The following IGF1R variants were observed in gnomAD, a reference collection of about 807,000 sequenced individuals.
IGF1R encodes insulin-like growth factor 1 receptor.
A neutral mutation model predicts 144.6 loss-of-function variants in IGF1R; 44 were observed. The observed-to-expected ratio is 0.30, with a 90% CI of 0.24 to 0.39. IGF1R has a LOEUF of 0.39. Among genes scored for constraint, IGF1R ranks in the 10% least tolerant of loss-of-function variants. The pLI is 1.00. For synonymous variants in IGF1R, 795 were observed against 722.8 expected (o/e 1.10, Z -1.60); for missense variants, 1,355 against 1,833.7 (o/e 0.74, Z 4.77).
intron 2 of IGF1R, among the ~76,000 whole-genome samples, chr15:98,871,642 A>G (rs750154763): frequency 2.6e-5 from 4 of 152,252 alleles, no homozygotes; most frequent in South Asian, 2.1e-4. Flanking sequence ...GGAAAGTGAA[A>G]GGTACATCTC....
At chr15:98,705,612 T>C (rs957167277) in intron 1 of IGF1R, among the ~76,000 whole-genome samples, 2 of 152,210 alleles carry the variant, frequency 1.3e-5, no homozygotes, top group African/African-American at 2.4e-5. Flanking sequence ...TTCTCAAGCT[T>C]TGCCCACTCC....
chr15:98,866,794 A>T (rs1182137698), intron 2 of IGF1R, among the ~76,000 whole-genome samples: 1 of 152,200 alleles, frequency 6.6e-6, no homozygotes, highest in Non-Finnish European at 1.5e-5. Flanking sequence ...GTTTGCTCCC[A>T]TCATGTTGTT....
rs2151670407 is a variant in IGF1R at position 98,908,891 on chromosome 15, G to A, written c.1454G>A (p.Arg485Lys). The change falls in exon 6 of 21, where the codon AGA (arginine) becomes AAA (lysine). Residue 485 changes from arginine (R) to lysine (K), a missense_variant. This residue lies in a region of IGF1R where 880 missense variants were observed against 1,202.7 expected (regional missense o/e 0.73). Coordinates refer to ENST00000650285, the MANE Select transcript of IGF1R (RefSeq NM_000875.5). Reference sequence around the variant, plus strand: ...ATAAACACCAGGAACAACGGGGAGAGAGCCTCCTGTGAGTGACAGCATCCA... The same window carrying A: ...ATAAACACCAGGAACAACGGGGAGAAAGCCTCCTGTGAGTGACAGCATCCA... The part of the protein sequence containing the change: ...GDINTRNNGE[R>K]ASCESDVLHF... 6.2e-7 allele frequency: 1 copy of A among 1,613,540 alleles called. No individual in the cohort carries two copies. Among genetic ancestry groups the A allele is most frequent in the Non-Finnish European group, 8.5e-7 (1 of 1,179,666 alleles).
At chr15:98,806,939 T>A (rs2056484892) in intron 2 of IGF1R, among the ~76,000 whole-genome samples, 1 of 152,020 alleles carries the variant, frequency 6.6e-6, no homozygotes, top group Admixed American at 6.6e-5. Flanking sequence ...GGTGGATAGA[T>A]CACTTGAGGT....
intron 2 of IGF1R, among the ~76,000 whole-genome samples, chr15:98,879,669 G>C (rs1252250302): frequency 6.6e-6 from 1 of 152,078 alleles, no homozygotes; most frequent in Non-Finnish European, 1.5e-5. Context: ...GTCCAGATGG[G>C]CCTCTCTCCA....
intron 3 of IGF1R, among the ~76,000 whole-genome samples, chr15:98,896,049 G>A (rs1199926246): frequency 4.6e-5 from 7 of 152,034 alleles, no homozygotes; most frequent in Non-Finnish European, 7.4e-5. Flanking sequence ...TTGGTGGTTC[G>A]TGGCATGTTC....
At chr15:98,823,634 C>G (rs1308031002) in intron 2 of IGF1R, among the ~76,000 whole-genome samples, 1 of 152,220 alleles carries the variant, frequency 6.6e-6, no homozygotes, top group Non-Finnish European at 1.5e-5. Flanking sequence ...AAGTTGTGAG[C>G]TGCACAGGGC....
intron 2 of IGF1R, among the ~76,000 whole-genome samples, chr15:98,767,845 G>C (rs759080694): frequency 4.6e-5 from 7 of 152,142 alleles, no homozygotes; most frequent in Non-Finnish European, 8.8e-5. Flanking sequence ...GGAACACTGT[G>C]TCTCCATCTC....
chr15:98,685,861 G>C (rs1394927598), intron 1 of IGF1R, among the ~76,000 whole-genome samples: 1 of 152,172 alleles, frequency 6.6e-6, no homozygotes, highest in Non-Finnish European at 1.5e-5. Context: ...AAACCATTTT[G>C]AACTTTAAAG....
intron 2 of IGF1R, among the ~76,000 whole-genome samples, chr15:98,714,649 GAAAA>G (rs202232475): frequency 7.5e-5 from 10 of 133,194 alleles, no homozygotes; most frequent in Non-Finnish European, 1.5e-4. Context: ...TCCTGTCTGA[GAAAA>G]AAAAAAAAAG....
In IGF1R at chr15:98,958,985, A is replaced by G. The variant is rs192125453; in HGVS notation, c.*1543A>G. ...GCTCTCTGGGCACGAGGCAGAAAGC[A>G]GGCCGGGCACCCATCCTGAGAGGGC... On this transcript the variant is annotated 3_prime_UTR_variant, in exon 21 of 21. Coordinates refer to ENST00000650285, the MANE Select transcript of IGF1R (RefSeq NM_000875.5). 3.8e-3 allele frequency: 890 copies of G among 233,338 alleles called. 3 individuals carry two copies. The highest frequency in any genetic ancestry group is 0.015 in the African/African-American group (700 of 45,452). 14.5% of individuals were successfully genotyped at this position (233,338 alleles called of 1,614,324 possible).
At position 98,708,123 on chromosome 15, in the gene IGF1R, A is replaced by G; in HGVS notation, c.640+16A>G. 2 of 1,604,326 alleles carry G rather than the reference A, an allele frequency of 1.2e-6. No individual in the cohort carries two copies. Among genetic ancestry groups the G allele is most frequent in the African/African-American group, 2.7e-5 (2 of 74,878 alleles). The stretch of plus-strand genomic sequence containing the variant: ...TGCCAGAAAAGTAAGAATGATGCTG[A>G]CTGCTGCTTTCTCTCTGCCTCTCTC... On this transcript the variant is annotated intron_variant, in intron 2 of 20. Coordinates refer to ENST00000650285, the MANE Select transcript of IGF1R (RefSeq NM_000875.5).
chr15:98,851,502 C>T (rs1196408444), intron 2 of IGF1R, among the ~76,000 whole-genome samples: 22 of 152,226 alleles, frequency 1.4e-4, no homozygotes, highest in Admixed American at 2.6e-4. Context: ...CTTCTCCTAC[C>T]TTCCCAGTCC....
intron 2 of IGF1R, among the ~76,000 whole-genome samples, chr15:98,768,057 C>A (rs536319989): frequency 7.4e-4 from 112 of 152,240 alleles, no homozygotes; most frequent in African/African-American, 2.6e-3. Context: ...GGAAGACAGA[C>A]AGACTTTGCA....
At chr15:98,683,898 C>G (rs1285750067) in intron 1 of IGF1R, among the ~76,000 whole-genome samples, 1 of 152,160 alleles carries the variant, frequency 6.6e-6, no homozygotes, top group Non-Finnish European at 1.5e-5. Context: ...TGCTTGTTCA[C>G]AGTATTTGAG....
At chr15:98,915,674 A>G (rs539417814) in intron 8 of IGF1R, among the ~76,000 whole-genome samples, 38 of 152,304 alleles carry the variant, frequency 2.5e-4, no homozygotes, top group African/African-American at 8.7e-4. Context: ...AGATTTTCAC[A>G]TTGTCTCTTC....
At chr15:98,705,343 G>C (rs749856436) in intron 1 of IGF1R, among the ~76,000 whole-genome samples, 3 of 152,298 alleles carry the variant, frequency 2.0e-5, no homozygotes, top group Non-Finnish European at 4.4e-5. Flanking sequence ...GTCGGAGTGG[G>C]TTAAAGGTAA....
Position 98,652,672 on chromosome 15 carries a change from T to C in IGF1R, c.94+2997T>C, listed in dbSNP as rs114617804. 3.6e-3 allele frequency among the ~76,000 whole-genome samples: 541 copies of C among 152,280 alleles called. 9 individuals carry two copies. Among genetic ancestry groups the C allele is most frequent in the African/African-American group, 0.013 (521 of 41,572 alleles). ...GAAGTCAGTCACAAAAGACCACATA[T>C]CGTATGATCCGGTTTATGTGAAATG... On this transcript the variant is annotated intron_variant, in intron 1 of 20. Coordinates refer to ENST00000650285, the MANE Select transcript of IGF1R (RefSeq NM_000875.5).
chr15:98,658,472 G>A (rs946537817), intron 1 of IGF1R, among the ~76,000 whole-genome samples: 2 of 152,128 alleles, frequency 1.3e-5, no homozygotes, highest in African/African-American at 4.8e-5. Context: ...TTTCTAACAG[G>A]TTTAGAAAAC....
Sources: gnomAD v4.1 joint callset for allele counts (sites outside exome capture counted in the v4.1 genomes callset) on GRCh38, gnomAD v4.1.1 for gene constraint, gnomAD v4.1.1 regional missense constraint, MANE v1.5 for transcripts, NCBI Gene and HGNC (gene_info 2026-07-23, HGNC 2026-07-21) for gene names.